The following UGT1A4 variants were observed in gnomAD, a reference collection of about 807,000 sequenced individuals.
UGT1A4 encodes the protein UDP glucuronosyltransferase family 1 member A4, also known as UDP-glucuronosyltransferase 1A4.
Under a neutral mutation model 41.1 loss-of-function variants are expected in UGT1A4, and 32 were observed. The ratio of observed to expected loss-of-function variants is 0.78; its 90% confidence interval spans 0.59 to 1.05. The LOEUF is 1.05. Ranked by LOEUF, UGT1A4 falls within the 50% of genes least tolerant of loss-of-function variation. The pLI is 0.00. For missense variants in UGT1A4, 748 were observed against 677.4 expected (o/e 1.10, Z -1.16); for synonymous variants, 283 against 265.1 (o/e 1.07, Z -0.66).
chr2:233,762,804 C>T (rs1698168354), intron 1 of UGT1A4, among the ~76,000 whole-genome samples: 1 of 151,574 alleles, frequency 6.6e-6, no homozygotes, highest in African/African-American at 2.4e-5. Context: ...TCAGCTATCT[C>T]ATCAAAATAT....
chr2:233,732,704 T>C (rs2078302376), intron 1 of UGT1A4, among the ~76,000 whole-genome samples: 1 of 152,126 alleles, frequency 6.6e-6, no homozygotes. Flanking sequence ...GTTTTGTTAC[T>C]GTAGCCTTGT....
In UGT1A4 at chr2:233,718,791, G is replaced by C; in HGVS notation, c.-30G>C. 6.2e-7 allele frequency: 1 copy of C among 1,613,144 alleles called. No individual in the cohort carries two copies. Among genetic ancestry groups the C allele is most frequent in the Non-Finnish European group, 8.5e-7 (1 of 1,180,000 alleles). On this transcript the variant is annotated 5_prime_UTR_variant, in exon 1 of 5. Coordinates refer to ENST00000373409, the MANE Select transcript of UGT1A4 (RefSeq NM_007120.3). The stretch of plus-strand genomic sequence containing the variant: ...AATGTAGCAGGCACAGCGTGGGGTG[G>C]ACAGTCAGCTGTCGGTGGCTTCTGC...
At chr2:233,725,334 T>G (rs2077438073) in intron 1 of UGT1A4, among the ~76,000 whole-genome samples, 1 of 108,502 alleles carries the variant, frequency 9.2e-6, no homozygotes, top group Admixed American at 9.8e-5. Context: ...TCAACAATCT[T>G]AAGTCCAATA....
Position 233,757,535 on chromosome 2 carries a change from A to AATATATATATATATATATATAT in UGT1A4, c.868-9494_868-9473dup, listed in dbSNP as rs67292694. Among the ~76,000 whole-genome samples, 69 of 88,256 alleles carry AATATATATATATATATATATAT rather than the reference A, an allele frequency of 7.8e-4. 1 individual carries two copies. Among genetic ancestry groups the AATATATATATATATATATATAT allele is most frequent in the South Asian group, 4.2e-3 (8 of 1,918 alleles). 57.9% of individuals were successfully genotyped at this position (88,256 alleles called of 152,430 possible). ...CAAAGCCAAAATCTTGCCTGTAAGG[A>AATATATATATATATATATATAT]ATATATATATATATATATATATATA... On this transcript the variant is annotated intron_variant, in intron 1 of 4. Transcript: ENST00000373409.
intron 1 of UGT1A4, among the ~76,000 whole-genome samples, chr2:233,736,737 CCTTT>C (rs2125803115): frequency 6.6e-6 from 1 of 152,240 alleles, no homozygotes; most frequent in Non-Finnish European, 1.5e-5. Flanking sequence ...TTATGCTGTT[CCTTT>C]CTGTTTGTTA....
intron 1 of UGT1A4, among the ~76,000 whole-genome samples, chr2:233,735,726 A>G (rs1434369558): frequency 5.9e-5 from 9 of 152,086 alleles, no homozygotes; most frequent in Admixed American, 5.9e-4. Flanking sequence ...ATCTCTCAGC[A>G]TTTGCTTGTC....
intron 1 of UGT1A4, among the ~76,000 whole-genome samples, chr2:233,766,257 A>AGTGGCCCGGGCTCG (rs36213637): frequency 2.6e-5 from 4 of 151,512 alleles, no homozygotes; most frequent in African/African-American, 4.9e-5. Context: ...CAGACCGCTC[A>AGTGGCCCGGGCTCG]GTGGCCCGGG....
rs185086181 is a variant in UGT1A4, at chr2:233,749,033, T to C, written c.868-18001T>C. Among the ~76,000 whole-genome samples, 300 of 151,916 alleles carry C rather than the reference T, an allele frequency of 2.0e-3. 2 individuals carry two copies. The highest frequency in any genetic ancestry group is 7.3e-3 in the Admixed American group (111 of 15,296). On this transcript the variant is annotated intron_variant, in intron 1 of 4. Coordinates refer to ENST00000373409, the MANE Select transcript of UGT1A4 (RefSeq NM_007120.3). Reference sequence around the variant, plus strand: ...TTTAATCCAGAATATTTGGGGTTCATTGATGTGGTACTCTGGGACCTGAAT... The same window carrying C: ...TTTAATCCAGAATATTTGGGGTTCACTGATGTGGTACTCTGGGACCTGAAT...
At chr2:233,760,645 T>A (rs751311281) in intron 1 of UGT1A4, 1 of 1,614,248 alleles carries the variant, frequency 6.2e-7, no homozygotes, top group South Asian at 1.1e-5. Flanking sequence ...AAAAAAGGAC[T>A]CTGCTATGCT....
intron 1 of UGT1A4, chr2:233,760,705 C>T: frequency 1.2e-6 from 2 of 1,614,220 alleles, no homozygotes; most frequent in Non-Finnish European, 1.7e-6. Flanking sequence ...CATGGCCTCC[C>T]TGGCAGAAAG....
At chr2:233,735,712 C>CA (rs2078686822) in intron 1 of UGT1A4, among the ~76,000 whole-genome samples, 1 of 152,140 alleles carries the variant, frequency 6.6e-6, no homozygotes, top group Non-Finnish European at 1.5e-5. Flanking sequence ...CTGGTGGTGA[C>CA]AAAATCTCTC....
At chr2:233,747,710 A>G (rs1208548533) in intron 1 of UGT1A4, 3 of 1,612,980 alleles carry the variant, frequency 1.9e-6, no homozygotes, top group Non-Finnish European at 1.7e-6. Flanking sequence ...AGTACCTATC[A>G]ATTCCTGCTG....
chr2:233,762,086 T>A (rs1422736816), intron 1 of UGT1A4, among the ~76,000 whole-genome samples: 1 of 152,194 alleles, frequency 6.6e-6, no homozygotes, highest in African/African-American at 2.4e-5. Context: ...CCATTTCACT[T>A]AGATAGTTGT....
chr2:233,759,224 T>C (rs1471050247), intron 1 of UGT1A4, among the ~76,000 whole-genome samples: 1 of 152,116 alleles, frequency 6.6e-6, no homozygotes, highest in Non-Finnish European at 1.5e-5. Flanking sequence ...TTTATGCAAA[T>C]GAAGGATGGA....
At chr2:233,739,626 A>G (rs1691159649) in intron 1 of UGT1A4, among the ~76,000 whole-genome samples, 1 of 152,210 alleles carries the variant, frequency 6.6e-6, no homozygotes, top group Non-Finnish European at 1.5e-5. Flanking sequence ...CTCCCATTTG[A>G]AATGGGAACA....
At chr2:233,745,794 G>T (rs1343106553) in intron 1 of UGT1A4, among the ~76,000 whole-genome samples, 1 of 150,980 alleles carries the variant, frequency 6.6e-6, no homozygotes, top group Non-Finnish European at 1.5e-5. Context: ...GGGGGCTGGG[G>T]TCTATCCCAG....
At chr2:233,751,369 A>G (rs1694708741) in intron 1 of UGT1A4, among the ~76,000 whole-genome samples, 1 of 152,104 alleles carries the variant, frequency 6.6e-6, no homozygotes, top group South Asian at 2.1e-4. Context: ...TCATGGGGGA[A>G]GGGACTTGCC....
At chr2:233,727,536 T>C (rs2077625396) in intron 1 of UGT1A4, among the ~76,000 whole-genome samples, 1 of 152,154 alleles carries the variant, frequency 6.6e-6, no homozygotes, top group East Asian at 1.9e-4. Context: ...ACCAGGCGTG[T>C]TCCACCCGTC....
chr2:233,761,274 T>A, intron 1 of UGT1A4: 3 of 1,580,366 alleles, frequency 1.9e-6, no homozygotes, highest in Non-Finnish European at 2.6e-6. Flanking sequence ...TGCCCTCTTT[T>A]GTTAATTTTT....
Sources: allele counts gnomAD v4.1 joint callset (sites outside exome capture counted in the v4.1 genomes callset), GRCh38; gene constraint gnomAD v4.1.1; transcripts MANE v1.5; gene names NCBI Gene and HGNC (gene_info 2026-07-23, HGNC 2026-07-21).